The following KIF19 variants were observed in gnomAD, a reference collection of about 807,000 sequenced individuals.
The protein encoded by KIF19 is kinesin-like protein KIF19.
Under a neutral mutation model 106.6 loss-of-function variants are expected in KIF19, and 98 were observed. The ratio of observed to expected loss-of-function variants is 0.92; its 90% CI spans 0.78 to 1.09. The LOEUF (loss-of-function observed/expected upper bound fraction) is 1.09. Among genes scored for constraint, KIF19 ranks in the 50% least tolerant of loss-of-function variants. The pLI is 0.00. For missense variants in KIF19, 1,373 were observed against 1,414.3 expected (o/e 0.97, Z 0.47); for synonymous variants, 516 against 584.2 (o/e 0.88, Z 1.68).
chr17:74,344,960 G>T lies in KIF19; in HGVS notation c.777+5G>T. 6.3e-7 allele frequency: 1 copy of T among 1,596,016 alleles called. No homozygotes were observed. The stretch of plus-strand genomic sequence containing the variant: ...GGCTCAGAGCGCGCCTCGCAGGTGA[G>T]GCTGGGACCTGGGCTGGGCAGAGGA... On this transcript the variant is annotated splice_donor_5th_base_variant and intron_variant, in intron 7 of 19. Coordinates refer to ENST00000389916, the MANE Select transcript of KIF19 (RefSeq NM_153209.4).
rs2054830082 is a variant in KIF19, at chr17:74,354,774, C to G, written c.2707-8C>G. Reference sequence around the variant, plus strand: ...TCTCGGCCTCACCCCACTGTTCAACCATCACAGCTCTCCCACCCCAAGACA... The same window carrying G: ...TCTCGGCCTCACCCCACTGTTCAACGATCACAGCTCTCCCACCCCAAGACA... On this transcript the variant is annotated splice_region_variant and splice_polypyrimidine_tract_variant and intron_variant, in intron 18 of 19. Coordinates refer to ENST00000389916, the MANE Select transcript of KIF19 (RefSeq NM_153209.4). 6.4e-7 allele frequency: 1 copy of G among 1,553,388 alleles called. No homozygotes were observed. The highest frequency in any genetic ancestry group is 1.2e-5 in the South Asian group (1 of 84,204).
At chr17:74,336,067 A>G (rs188652102) in intron 2 of KIF19, among the ~76,000 whole-genome samples, 2 of 152,212 alleles carry the variant, frequency 1.3e-5, no homozygotes, top group East Asian at 3.9e-4. Context: ...CCTTGGCTTT[A>G]TGCTTATTTA....
chr17:74,330,119 G>A (rs763458301), intron 2 of KIF19, among the ~76,000 whole-genome samples: 1 of 152,200 alleles, frequency 6.6e-6, no homozygotes, highest in Non-Finnish European at 1.5e-5. Context: ...GGAAAAGGGT[G>A]GGCTTCCTCA....
Position 74,344,833 on chromosome 17 carries a change from C to T in KIF19, c.655C>T (p.Arg219Cys), listed in dbSNP as rs754064985. The T allele has an allele frequency of 7.4e-6, 12 of 1,612,556 alleles. No individual in the cohort carries two copies. Among genetic ancestry groups the T allele is most frequent in the South Asian group, 4.4e-5 (4 of 91,074 alleles). Residue 219 changes from arginine to cysteine, a missense_variant, in exon 7 of 20, where the codon CGC becomes TGC. Arg to Cys is a radical substitution (Grantham distance 180). Around this residue, in one of 3 missense-constraint regions of KIF19, gnomAD observed 348 missense variants for 389.5 expected, o/e 0.89. Coordinates refer to ENST00000389916, the MANE Select transcript of KIF19 (RefSeq NM_153209.4). ...EPTAANQTSS[R>C]SHAVLQVTVR... is the part of the protein sequence containing the mutation. ...CACGGCCGCCAACCAGACGTCCTCC[C>T]GCTCCCACGCGGTACTGCAGGTGAC...
At chr17:74,337,861 C>T (rs759155923) in intron 2 of KIF19, among the ~76,000 whole-genome samples, 2 of 152,204 alleles carry the variant, frequency 1.3e-5, no homozygotes, top group African/African-American at 4.8e-5. Context: ...CTCTGGCTCA[C>T]CTGGAGGAGG....
At position 74,354,765 on chromosome 17, in the gene KIF19, C is replaced by G; in HGVS notation, c.2707-17C>G. The G allele has an allele frequency of 6.4e-7, 1 of 1,550,566 alleles. No individual in the cohort carries two copies. Among genetic ancestry groups the G allele is most frequent in the South Asian group, 1.2e-5 (1 of 84,128 alleles). ...CTGTGCCGCTCTCGGCCTCACCCCA[C>G]TGTTCAACCATCACAGCTCTCCCAC... On this transcript the variant is annotated splice_polypyrimidine_tract_variant and intron_variant, in intron 18 of 19. Transcript: ENST00000389916.
In KIF19 at chr17:74,326,448, C is replaced by T. The variant is rs963222893; in HGVS notation, c.39+60C>T. On this transcript the variant is annotated intron_variant, in intron 1 of 19. Transcript: ENST00000389916. ...TCCGTGGTCTACTTCAGTCGGCCTCCAGCGACAGAGTCCTGTCCCCTCGCC... is the reference window on the plus strand; with the variant it reads ...TCCGTGGTCTACTTCAGTCGGCCTCTAGCGACAGAGTCCTGTCCCCTCGCC... 5.8e-6 allele frequency: 9 copies of T among 1,543,604 alleles called. No individual in the cohort carries two copies. The African/African-American group carries it at 1.1e-4, about 19-fold the overall frequency.
chr17:74,337,979 T>C (rs148843751), intron 2 of KIF19, among the ~76,000 whole-genome samples: 296 of 152,342 alleles, frequency 1.9e-3, no homozygotes, highest in African/African-American at 7.0e-3. Flanking sequence ...AAAGCCCTCT[T>C]TAAGCGGGGA....
chr17:74,327,056 G>A (rs1171152231), intron 1 of KIF19, among the ~76,000 whole-genome samples: 2 of 152,186 alleles, frequency 1.3e-5, no homozygotes, highest in Non-Finnish European at 2.9e-5. Context: ...AGCAACAAGG[G>A]AGATGACTCA....
rs532137048 is a variant in KIF19, at chr17:74,352,260, G to A, written c.1900G>A (p.Glu634Lys). ...AVPQRLEELY[E>K]VYLRELEEGS... ...CCCGCAGCGCCTGGAAGAGCTCTACGAAGTGTACCTGCGGGAGCTGGAGGA... is the reference window on the plus strand; with the variant it reads ...CCCGCAGCGCCTGGAAGAGCTCTACAAAGTGTACCTGCGGGAGCTGGAGGA... Residue 634 changes from glutamate (E) to lysine (K), a missense_variant, in exon 14 of 20, where the codon GAA becomes AAA. Glu to Lys is a moderately conservative substitution (Grantham distance 56). This residue lies in a region of KIF19 where 1,020 missense variants were observed against 1,008.2 expected (regional missense o/e 1.01). Coordinates refer to ENST00000389916, the MANE Select transcript of KIF19 (RefSeq NM_153209.4). 6.8e-5 allele frequency: 110 copies of A among 1,613,146 alleles called. No homozygotes were observed. The highest frequency in any genetic ancestry group is 1.0e-4 in the Admixed American group (6 of 59,994).
chr17:74,328,772 A>G (rs1273816684), intron 2 of KIF19: 1 of 358,192 alleles, frequency 2.8e-6, no homozygotes, highest in Non-Finnish European at 5.2e-6. Context: ...TCATTGCTTG[A>G]CTTTCCCACC....
In KIF19 at chr17:74,354,315, C is replaced by A. The variant is rs775255824; in HGVS notation, c.2462C>A (p.Ala821Glu). The A allele has an allele frequency of 6.2e-7, 1 of 1,607,940 alleles. No individual in the cohort carries two copies. The highest frequency in any genetic ancestry group is 8.5e-7 in the Non-Finnish European group (1 of 1,178,064). ...SLHSLSEGDD[A>E]RPPGPLACKR... is the part of the protein sequence containing the mutation. Reference sequence around the variant, plus strand: ...CACTCACTGAGCGAGGGCGACGATGCGCGGCCACCAGGCCCACTGGCCTGC... The same window carrying A: ...CACTCACTGAGCGAGGGCGACGATGAGCGGCCACCAGGCCCACTGGCCTGC... The change falls in exon 18 of 20, where the codon GCG (alanine) becomes GAG (glutamate). Residue 821 changes from alanine (A) to glutamate (E), a missense_variant. Physicochemically the swap from Ala to Glu is moderately radical, Grantham distance 107. Coordinates refer to ENST00000389916, the MANE Select transcript of KIF19 (RefSeq NM_153209.4).
At position 74,342,696 on chromosome 17, in the gene KIF19, G is replaced by A. The variant is rs2054414779; in HGVS notation, c.298G>A (p.Val100Ile). ...EGVISGYNAT[V>I]FAYGPTGCGK... ...CGTCATCTCAGGCTACAATGCCACT[G>A]TCTTTGCCTATGGCCCCACAGGTAA... is the stretch of plus-strand genomic sequence containing the variant. Residue 100 changes from valine to isoleucine, a missense_variant, in exon 4 of 20, where the codon GTC becomes ATC. Transcript: ENST00000389916. 1 of 1,613,622 alleles carries A rather than the reference G, an allele frequency of 6.2e-7. No individual in the cohort carries two copies. Among genetic ancestry groups the A allele is most frequent in the Non-Finnish European group, 8.5e-7 (1 of 1,179,854 alleles).
intron 2 of KIF19, among the ~76,000 whole-genome samples, chr17:74,333,958 G>T (rs371743025): frequency 1.3e-5 from 2 of 149,936 alleles, no homozygotes; most frequent in East Asian, 4.0e-4. Flanking sequence ...TGAGTAGCTG[G>T]GACTATAGGC....
intron 2 of KIF19, among the ~76,000 whole-genome samples, chr17:74,332,217 T>C (rs1598370075): frequency 1.7e-5 from 1 of 59,588 alleles, no homozygotes; most frequent in East Asian, 5.7e-4. Flanking sequence ...TGTTTGTGTG[T>C]GTGTGTGTGT....
chr17:74,326,472 C>T, intron 1 of KIF19, 84 bp downstream of exon 1: 3 of 1,339,220 alleles, frequency 2.2e-6, no homozygotes, highest in South Asian at 1.2e-5. Flanking sequence ...TGTCCCCTCG[C>T]CGCCACCCCA....
chr17:74,353,281 G>C lies in KIF19; in HGVS notation c.2200G>C (p.Gly734Arg). 3.2e-6 allele frequency: 5 copies of C among 1,575,092 alleles called. No individual in the cohort carries two copies. The highest frequency in any genetic ancestry group is 4.3e-6 in the Non-Finnish European group (5 of 1,161,142). ...GCCCACCCCACCTCCCATCCAGCTC[G>C]GCAGCCTGGTGACGCAGGAGGTGAG... ...SVPTPPPIQLGSLVTQEAPAQ... is the reference protein window; with the variant it reads ...SVPTPPPIQLRSLVTQEAPAQ... The change falls in exon 16 of 20, where the codon GGC becomes CGC. Residue 734 changes from glycine to arginine, a missense_variant. Physicochemically the swap from Gly to Arg is moderately radical, Grantham distance 125. Coordinates refer to ENST00000389916, the MANE Select transcript of KIF19 (RefSeq NM_153209.4).
Position 74,351,930 on chromosome 17 carries a change from C to T in KIF19, c.1651C>T (p.Pro551Ser). ...GGGCCGGCGCCTGGAGGAGACGCTGCCGCGGCGCATCGGCTCCGAGGAGCA... is the reference window on the plus strand; with the variant it reads ...GGGCCGGCGCCTGGAGGAGACGCTGTCGCGGCGCATCGGCTCCGAGGAGCA... ...ARGRRLEETLPRRIGSEEQRE... is the reference protein window; with the variant it reads ...ARGRRLEETLSRRIGSEEQRE... Residue 551 changes from proline to serine, a missense_variant, in exon 13 of 20, where the codon CCG (proline) becomes TCG (serine). Transcript: ENST00000389916. The T allele has an allele frequency of 2.8e-6, 4 of 1,453,324 alleles. No individual in the cohort carries two copies. The highest frequency in any genetic ancestry group is 3.6e-6 in the Non-Finnish European group (4 of 1,109,686). The allele number at this position is 1,453,324 out of a possible 1,614,324, so 90.0% of individuals were successfully genotyped here.
At chr17:74,333,361 A>ATTTTT (rs35232394) in intron 2 of KIF19, among the ~76,000 whole-genome samples, 15 of 129,458 alleles carry the variant, frequency 1.2e-4, no homozygotes, top group East Asian at 9.1e-4. Context: ...TGTGGTCCTA[A>ATTTTT]TTTTTTTTTT....
Sources: allele counts gnomAD v4.1 joint callset (sites outside exome capture counted in the v4.1 genomes callset), GRCh38; gene constraint gnomAD v4.1.1; regional missense constraint gnomAD v4.1.1; transcripts MANE v1.5; gene names NCBI Gene and HGNC (gene_info 2026-07-23, HGNC 2026-07-21).